The following GRIN2A variants were observed in gnomAD, a reference collection of about 807,000 sequenced individuals.
The protein encoded by GRIN2A is glutamate ionotropic receptor NMDA type subunit 2A.
A neutral mutation model predicts 113.4 loss-of-function variants in GRIN2A; 22 were observed. That is an observed-to-expected ratio of 0.19 (90% confidence interval 0.14 to 0.28). GRIN2A has a LOEUF of 0.28. Ranked by LOEUF, GRIN2A falls within the 10% of genes least tolerant of loss-of-function variation. GRIN2A has a pLI of 1.00. For missense variants in GRIN2A, 1,502 were observed against 1,887.0 expected (o/e 0.80, Z 3.78); for synonymous variants, 827 against 738.4 (o/e 1.12, Z -1.94).
chr16:10,008,168 C>A (rs376159117), intron 2 of GRIN2A, among the ~76,000 whole-genome samples: 2 of 152,070 alleles, frequency 1.3e-5, no homozygotes, highest in Non-Finnish European at 2.9e-5. Context: ...TGAGCCTTGA[C>A]GGCTCCTGCT....
At chr16:9,968,832 C>T (rs1458041332) in intron 2 of GRIN2A, among the ~76,000 whole-genome samples, 1 of 152,070 alleles carries the variant, frequency 6.6e-6, no homozygotes, top group African/African-American at 2.4e-5. Flanking sequence ...GTCTCAAACT[C>T]CCAACCTCAG....
chr16:9,903,735 A>G (rs923973898), intron 3 of GRIN2A, among the ~76,000 whole-genome samples: 1 of 152,206 alleles, frequency 6.6e-6, no homozygotes, highest in African/African-American at 2.4e-5. Context: ...CATGTGGCAC[A>G]CACCACTTAG....
intron 2 of GRIN2A, among the ~76,000 whole-genome samples, chr16:10,123,447 T>A (rs2048870425): frequency 6.6e-6 from 1 of 152,208 alleles, no homozygotes; most frequent in Non-Finnish European, 1.5e-5. Context: ...GAACAGCTCC[T>A]CGTTGATGCC....
At chr16:9,845,459 C>G (rs570002610) in intron 5 of GRIN2A, among the ~76,000 whole-genome samples, 9 of 152,230 alleles carry the variant, frequency 5.9e-5, no homozygotes, top group African/African-American at 2.2e-4. Context: ...GGAGGTGTCC[C>G]ACTGAAGTTA....
At position 9,917,588 on chromosome 16, in the gene GRIN2A, T is replaced by C. The variant is rs551664804; in HGVS notation, c.1007+20371A>G. The stretch of plus-strand genomic sequence containing the variant: ...CATCGGTTCCAAAATGCACATCTTT[T>C]GCACTTTAACTTTTTTGAAATAAAG... On this transcript the variant is annotated intron_variant, in intron 3 of 12. Coordinates refer to ENST00000330684, the MANE Select transcript of GRIN2A (RefSeq NM_001134407.3). Among the ~76,000 whole-genome samples the C allele has an allele frequency of 4.6e-5, 7 of 152,370 alleles. No individual in the cohort carries two copies. The South Asian group carries it at 8.3e-4, about 18-fold the overall frequency.
chr16:10,102,566 G>A (rs991516886), intron 2 of GRIN2A, among the ~76,000 whole-genome samples: 4 of 151,736 alleles, frequency 2.6e-5, no homozygotes, highest in African/African-American at 9.7e-5. Flanking sequence ...TTATTGGGGG[G>A]GACAGAGTCT....
In GRIN2A at chr16:9,763,656, G is replaced by T; in HGVS notation, c.3888C>A (p.Val1296=). 6.2e-7 allele frequency: 1 copy of T among 1,613,410 alleles called. No homozygotes were observed. The highest frequency in any genetic ancestry group is 1.1e-5 in the South Asian group (1 of 91,052). The change falls in exon 13 of 13, where the codon GTC becomes GTA. Residue 1296 remains valine, a synonymous_variant. Transcript: ENST00000330684. ...ISRQHSYDNI[V]DKPRELDLSR... ...TAAGGTCTAGCTCCCTAGGTTTGTC[G>T]ACAATGTTATCGTAGGAATGCTGAC... is the stretch of plus-strand genomic sequence containing the variant.
intron 3 of GRIN2A, among the ~76,000 whole-genome samples, chr16:9,898,053 C>CTTT (rs2043841418): frequency 1.2e-5 from 1 of 85,192 alleles, no homozygotes; most frequent in African/African-American, 3.6e-5. Context: ...GCCTCCATTT[C>CTTT]CTTTTTTTTT....
intron 7 of GRIN2A, among the ~76,000 whole-genome samples, chr16:9,835,268 A>C (rs531388676): frequency 6.6e-6 from 1 of 152,244 alleles, no homozygotes; most frequent in Non-Finnish European, 1.5e-5. Flanking sequence ...TAGAGGCAAT[A>C]AAATAGTAGA....
rs1280809260 is a variant in GRIN2A, at chr16:9,757,461, T to C, written c.*5688A>G. ...TTTCTAATTTTTGCTGTTTAGTCTCTGTTTGCATTGCATGGGTCCTTGGTT... is the reference window on the plus strand; with the variant it reads ...TTTCTAATTTTTGCTGTTTAGTCTCCGTTTGCATTGCATGGGTCCTTGGTT... On this transcript the variant is annotated 3_prime_UTR_variant, in exon 13 of 13. Transcript: ENST00000330684. 4.4e-6 allele frequency: 1 copy of C among 229,624 alleles called. No homozygotes were observed. Among genetic ancestry groups the C allele is most frequent in the Non-Finnish European group, 8.6e-6 (1 of 115,860 alleles). 14.2% of individuals were successfully genotyped at this position (229,624 alleles called of 1,614,324 possible).
At chr16:10,155,092 T>C (rs563446241) in intron 2 of GRIN2A, among the ~76,000 whole-genome samples, 2 of 152,334 alleles carry the variant, frequency 1.3e-5, no homozygotes, top group Non-Finnish European at 2.9e-5. Context: ...ATCTCTTAAA[T>C]TTATTTTGGC....
chr16:10,074,519 T>C (rs749207034), intron 2 of GRIN2A, among the ~76,000 whole-genome samples: 1 of 152,198 alleles, frequency 6.6e-6, no homozygotes, highest in Non-Finnish European at 1.5e-5. Context: ...CAAGATATGA[T>C]ATGGCCATTC....
intron 2 of GRIN2A, among the ~76,000 whole-genome samples, chr16:10,123,123 T>C (rs1214597177): frequency 6.6e-6 from 1 of 152,240 alleles, no homozygotes; most frequent in East Asian, 1.9e-4. Flanking sequence ...ATGGGGCCGA[T>C]CTCTCTTGGA....
At chr16:9,858,196 A>G (rs142960377) in intron 4 of GRIN2A, among the ~76,000 whole-genome samples, 12 of 150,918 alleles carry the variant, frequency 8.0e-5, no homozygotes, top group African/African-American at 3.0e-4. Context: ...ATCAGAAAAT[A>G]AATACTGGCT....
At chr16:9,856,403 G>A (rs1409976560) in intron 4 of GRIN2A, among the ~76,000 whole-genome samples, 5 of 151,804 alleles carry the variant, frequency 3.3e-5, no homozygotes, top group Admixed American at 1.3e-4. Flanking sequence ...GGTAGATCAC[G>A]AGGTCAGGAG....
intron 2 of GRIN2A, among the ~76,000 whole-genome samples, chr16:10,003,578 A>G (rs1011737665): frequency 3.3e-5 from 5 of 152,224 alleles, no homozygotes; most frequent in African/African-American, 1.2e-4. Context: ...TTCTTGGACA[A>G]GGCTGAAATT....
intron 4 of GRIN2A, among the ~76,000 whole-genome samples, chr16:9,870,724 G>C (rs1056611340): frequency 4.0e-5 from 6 of 149,814 alleles, no homozygotes; most frequent in African/African-American, 1.5e-4. Flanking sequence ...CGCAACCTCC[G>C]CTTCCCAGGT....
At chr16:9,832,028 C>T in intron 8 of GRIN2A, among the ~76,000 whole-genome samples, 1 of 152,100 alleles carries the variant, frequency 6.6e-6, no homozygotes, top group Non-Finnish European at 1.5e-5. Flanking sequence ...AAGTAATTCT[C>T]CTACCTCAGC....
At chr16:9,881,152 A>G (rs2043473723) in intron 4 of GRIN2A, among the ~76,000 whole-genome samples, 1 of 152,234 alleles carries the variant, frequency 6.6e-6, no homozygotes, top group African/African-American at 2.4e-5. Context: ...CTATTGAGAA[A>G]AATCTAGGTA....
Sources: allele counts gnomAD v4.1 joint callset (sites outside exome capture counted in the v4.1 genomes callset), GRCh38; gene constraint gnomAD v4.1.1; transcripts MANE v1.5; gene names NCBI Gene and HGNC (gene_info 2026-07-23, HGNC 2026-07-21).